Variants in ACTR3C observed in about 807,000 individuals in gnomAD.
The protein encoded by ACTR3C is actin-related protein 3C.
Under a neutral mutation model 26.3 loss-of-function variants are expected in ACTR3C, and 18 were observed. The observed-to-expected ratio is 0.68, with a 90% CI of 0.47 to 1.01. The LOEUF (loss-of-function observed/expected upper bound fraction) is 1.01, where lower values mean the gene tolerates loss of function less well. Among genes scored for constraint, ACTR3C ranks in the 50% least tolerant of loss-of-function variants. The pLI is 0.00. For synonymous variants in ACTR3C, 55 were observed against 94.5 expected, an observed-to-expected ratio of 0.58 and a Z score of 2.42; for missense variants, 184 against 250.7, an observed-to-expected ratio of 0.73 and a Z score of 1.80.
the ACTR3C span, among the ~76,000 whole-genome samples, chr7:150,210,761 AG>A: frequency 6.7e-6 from 1 of 149,590 alleles, no homozygotes; most frequent in Non-Finnish European, 1.5e-5. Flanking sequence ...ACAGATCACA[AG>A]GGAGCATGAG....
chr7:150,046,167 G>T, the ACTR3C span, among the ~76,000 whole-genome samples: 1 of 152,158 alleles, frequency 6.6e-6, no homozygotes, highest in African/African-American at 2.4e-5. Flanking sequence ...CAGGGCTGTA[G>T]GGGGTGTGTA....
chr7:150,037,010 G>A, the ACTR3C span, among the ~76,000 whole-genome samples: 3 of 73,674 alleles, frequency 4.1e-5, no homozygotes, highest in East Asian at 3.4e-4. Context: ...CCCTGCGATG[G>A]GGGTACCAAC....
chr7:149,917,720 T>C, the ACTR3C span, among the ~76,000 whole-genome samples: 2 of 145,344 alleles, frequency 1.4e-5, no homozygotes, highest in South Asian at 2.2e-4. Flanking sequence ...CATTGCAGCA[T>C]TGACCTCCTG....
chr7:150,155,324 T>C, the ACTR3C span, among the ~76,000 whole-genome samples: 4 of 151,988 alleles, frequency 2.6e-5, no homozygotes, highest in African/African-American at 9.7e-5. Context: ...GAGTTCATCA[T>C]TTCCTACAGT....
chr7:150,088,145 C>G, the ACTR3C span, among the ~76,000 whole-genome samples: 1 of 152,138 alleles, frequency 6.6e-6, no homozygotes, highest in Non-Finnish European at 1.5e-5. Flanking sequence ...CTTTTCATTT[C>G]CTTAATGGTG....
the ACTR3C span, among the ~76,000 whole-genome samples, chr7:150,186,362 A>G: frequency 3.3e-5 from 5 of 152,212 alleles, no homozygotes; most frequent in Admixed American, 6.6e-5. Flanking sequence ...AATGATATTT[A>G]TTGATTTTTC....
chr7:149,897,434 G>C, the ACTR3C span, among the ~76,000 whole-genome samples: 1 of 152,226 alleles, frequency 6.6e-6, no homozygotes, highest in Non-Finnish European at 1.5e-5. Flanking sequence ...TTCTCAAACA[G>C]AGAGCTATTA....
chr7:150,316,682 C>T (rs1796951813), intron 1 of ACTR3C, among the ~76,000 whole-genome samples: 1 of 152,078 alleles, frequency 6.6e-6, no homozygotes, highest in Non-Finnish European at 1.5e-5. Flanking sequence ...GACGGGGTTT[C>T]ACCATGTTGG....
At chr7:150,003,954 G>A in the ACTR3C span, among the ~76,000 whole-genome samples, 1 of 151,730 alleles carries the variant, frequency 6.6e-6, no homozygotes, top group Non-Finnish European at 1.5e-5. Context: ...GGTGTGTTAT[G>A]TGCTATGTGT....
chr7:150,215,635 C>T, the ACTR3C span, among the ~76,000 whole-genome samples: 326 of 152,102 alleles, frequency 2.1e-3, 1 homozygote, highest in Middle Eastern at 0.01. Flanking sequence ...GGAATGAGAA[C>T]GAAAACTAGA....
intron 6 of ACTR3C, among the ~76,000 whole-genome samples, chr7:150,279,808 G>T (rs1835168606): frequency 6.6e-6 from 1 of 152,158 alleles, no homozygotes; most frequent in South Asian, 2.1e-4. Flanking sequence ...ACCATAATTT[G>T]CATGATTCAC....
At chr7:149,944,417 A>G in the ACTR3C span, among the ~76,000 whole-genome samples, 31 of 152,010 alleles carry the variant, frequency 2.0e-4, no homozygotes, top group Non-Finnish European at 4.3e-4. Context: ...ATCTCAGTCT[A>G]GCATTGCAGC....
At chr7:150,211,228 A>T in the ACTR3C span, among the ~76,000 whole-genome samples, 2 of 149,988 alleles carry the variant, frequency 1.3e-5, no homozygotes, top group African/African-American at 5.1e-5. Context: ...AGTTTTTGAT[A>T]TCTATGCCAA....
At chr7:150,042,118 C>T in the ACTR3C span, among the ~76,000 whole-genome samples, 19 of 68,864 alleles carry the variant, frequency 2.8e-4, no homozygotes, top group South Asian at 7.2e-4. Context: ...CCCCCCTCTG[C>T]GATGGGGGTC....
chr7:150,123,254 C>G, the ACTR3C span, among the ~76,000 whole-genome samples: 1 of 149,720 alleles, frequency 6.7e-6, no homozygotes. Flanking sequence ...AAAATCAGGA[C>G]AAAAAAAAAG....
intron 6 of ACTR3C, among the ~76,000 whole-genome samples, chr7:150,278,483 G>A (rs1362548259): frequency 6.6e-6 from 1 of 152,186 alleles, no homozygotes; most frequent in Non-Finnish European, 1.5e-5. Flanking sequence ...GCCCACCCTG[G>A]GCTCTTGCGG....
the ACTR3C span, among the ~76,000 whole-genome samples, chr7:150,147,714 T>C: frequency 1.3e-5 from 2 of 152,208 alleles, no homozygotes; most frequent in East Asian, 3.8e-4. Flanking sequence ...TCATGATGTG[T>C]GTGCCAGGCA....
At chr7:150,254,669 T>A (rs1833084342) in intron 6 of ACTR3C, among the ~76,000 whole-genome samples, 1 of 152,136 alleles carries the variant, frequency 6.6e-6, no homozygotes, top group South Asian at 2.1e-4. Flanking sequence ...CCACACTTGG[T>A]TACATTTCTT....
chr7:150,036,405 C>G, the ACTR3C span, among the ~76,000 whole-genome samples: 1 of 134,452 alleles, frequency 7.4e-6, no homozygotes, highest in Non-Finnish European at 1.7e-5. Flanking sequence ...GGTTAAAAGT[C>G]CAGCTGCCAT....
Sources: allele counts gnomAD v4.1 joint callset (sites outside exome capture counted in the v4.1 genomes callset), GRCh38; gene constraint gnomAD v4.1.1; transcripts MANE v1.5; gene names NCBI Gene and HGNC (gene_info 2026-07-23, HGNC 2026-07-21).